SZT2: variants seen among roughly 807,000 people sequenced by gnomAD.
The protein encoded by SZT2 is SZT2 subunit of KICSTOR complex.
SZT2 carries 216 observed loss-of-function variants against 404.2 expected under a neutral mutation model. The ratio of observed to expected loss-of-function variants is 0.53; its 90% CI spans 0.48 to 0.60. SZT2 has a LOEUF of 0.60. Ranked by LOEUF, SZT2 falls within the 20% of genes least tolerant of loss-of-function variation. The pLI, the probability that SZT2 is intolerant of heterozygous loss-of-function variation, is 0.00. For synonymous variants in SZT2, 1,693 were observed against 1,749.9 expected, an observed-to-expected ratio of 0.97 and a Z score of 0.81; for missense variants, 3,857 against 4,459.2, an observed-to-expected ratio of 0.86 and a Z score of 3.85.
chr1:43,424,658 C>G lies in SZT2; in HGVS notation c.2472-126C>G. ...TACCCTGAGGGACCGCCAGTCTAAGCAGGGCCAGCAGCAGACTTGGCTCCT... is the reference window on the plus strand; with the variant it reads ...TACCCTGAGGGACCGCCAGTCTAAGGAGGGCCAGCAGCAGACTTGGCTCCT... On this transcript the variant is annotated intron_variant, in intron 16 of 71. Coordinates refer to ENST00000634258, the MANE Select transcript of SZT2 (RefSeq NM_001365999.1). This position sits in a 1 kb window ranked among gnomAD's most constrained non-coding sequence, Gnocchi z 4.1. 1 of 910,018 alleles carries G rather than the reference C, an allele frequency of 1.1e-6. No individual in the cohort carries two copies. The highest frequency in any genetic ancestry group is 1.7e-6 in the Non-Finnish European group (1 of 586,770). 56.4% of individuals were successfully genotyped at this position (910,018 alleles called of 1,614,324 possible). A position where few individuals can be genotyped will look rare whatever the true frequency, so the allele number is the denominator to read the frequency against.
Position 43,427,766 on chromosome 1 carries a change from G to A in SZT2, c.3803+32G>A, listed in dbSNP as rs765774371. The A allele has an allele frequency of 1.2e-5, 20 of 1,605,074 alleles. 1 individual carries two copies. Among genetic ancestry groups the A allele is most frequent in the Middle Eastern group, 2.1e-4 (1 of 4,784 alleles). ...GCCTTCAGTGTTGACCTAAGTCCTC[G>A]CCGGGCCATGGCTCCCAGCCAAGAA... On this transcript the variant is annotated intron_variant, in intron 26 of 71. Transcript: ENST00000634258.
chr1:43,439,660 G>A lies in SZT2; in HGVS notation c.6933G>A (p.Leu2311=). ...ATGAAGGAGGGGCCCCCTTGTCACT[G>A]GCGTTGTGGCCCCCCTCCTCTCCGG... ...FVDEGGAPLS[L]ALWPPSSPGP... Residue 2311 remains leucine (L), a synonymous_variant, in exon 50 of 72, where the codon CTG becomes CTA. Coordinates refer to ENST00000634258, the MANE Select transcript of SZT2 (RefSeq NM_001365999.1). The surrounding 1 kb of genome is among the most constrained non-coding windows in gnomAD (Gnocchi z 4.2). The A allele has an allele frequency of 1.9e-6, 3 of 1,613,562 alleles. No individual in the cohort carries two copies. The highest frequency in any genetic ancestry group is 2.2e-5 in the East Asian group (1 of 44,872).
At position 43,438,782 on chromosome 1, in the gene SZT2, G is replaced by C. The variant is rs746050802; in HGVS notation, c.6592G>C (p.Val2198Leu). The C allele has an allele frequency of 2.1e-5, 34 of 1,614,048 alleles. No homozygotes were observed. Among genetic ancestry groups the C allele is most frequent in the Non-Finnish European group, 2.7e-5 (32 of 1,179,948 alleles). ...GCTGGACGTCATCACAGTTATGCTT[G>C]TTCGGAACTGCAAGCTGACACCAGC... ...ATLDVITVML[V>L]RNCKLTPADV... is the part of the protein sequence containing the mutation. The change falls in exon 47 of 72, where the codon GTT becomes CTT. Residue 2198 changes from valine to leucine, a missense_variant. Val to Leu is a conservative substitution (Grantham distance 32). Around this residue, in one of 7 missense-constraint regions of SZT2, gnomAD observed 261 missense variants for 372.9 expected, o/e 0.70. Transcript: ENST00000634258.
intron 1 of SZT2, among the ~76,000 whole-genome samples, chr1:43,399,815 T>C (rs1327466982): frequency 6.6e-6 from 1 of 152,110 alleles, no homozygotes; most frequent in East Asian, 1.9e-4. Context: ...GTGGAATTCC[T>C]TTAGTAGCTT....
Position 43,432,519 on chromosome 1 carries a change from C to G in SZT2, c.5445C>G (p.Thr1815=). Residue 1815 remains threonine, a splice_region_variant and synonymous_variant, in exon 38 of 72, where the codon ACC becomes ACG. Coordinates refer to ENST00000634258, the MANE Select transcript of SZT2 (RefSeq NM_001365999.1). ...EDRAEGIEGE[T]LTASPQAPGS... ...AGTCCTGACTTCCTATTCCTCAGAC[C>G]CTGACAGCCAGCCCCCAAGCACCTG... 6.2e-7 allele frequency: 1 copy of G among 1,604,554 alleles called. No homozygotes were observed.
intron 30 of SZT2, 96 bp downstream of exon 30, chr1:43,430,199 CTTGT>C: frequency 6.4e-7 from 1 of 1,569,578 alleles, no homozygotes; most frequent in South Asian, 1.1e-5. Flanking sequence ...GGATGTGGCT[CTTGT>C]CTTGCCTTAG....
In SZT2 at chr1:43,433,106, C is replaced by CA; in HGVS notation, c.5721dup (p.Gly1908ArgfsTer9). 6.2e-7 allele frequency: 1 copy of CA among 1,614,202 alleles called. No homozygotes were observed. The highest frequency in any genetic ancestry group is 1.1e-5 in the South Asian group (1 of 91,088). On this transcript the variant is annotated frameshift_variant, in exon 40 of 72. Transcript: ENST00000634258. LOFTEE classifies it high-confidence loss of function. ...CCAGCACCTCCACAGCCTTCACTCT[C>CA]AGGCCTCCCTGGGCCCTGCCTGCCT...
At chr1:43,413,256 G>A (rs1651291945) in intron 4 of SZT2, among the ~76,000 whole-genome samples, 2 of 152,184 alleles carry the variant, frequency 1.3e-5, no homozygotes, top group African/African-American at 4.8e-5. Flanking sequence ...GATGGCAGAT[G>A]CCTGTAATCC....
chr1:43,438,123 TTCCTGCTGTGC>T, intron 46 of SZT2: 5 of 521,936 alleles, frequency 9.6e-6, no homozygotes, highest in Non-Finnish European at 1.7e-5. Context: ...CCTCCTCTAG[TTCCTGCTGTGC>T]TCGGGTCTTT....
chr1:43,429,968 A>C, intron 29 of SZT2, 43 bp from the exon 30 acceptor site: 1 of 1,612,852 alleles, frequency 6.2e-7, no homozygotes, highest in South Asian at 1.1e-5. Context: ...TATCCTGTTG[A>C]GGGGTGACTG....
At chr1:43,404,715 G>A (rs746223184) in intron 4 of SZT2, 165 bp downstream of exon 4, 66 of 661,050 alleles carry the variant, frequency 1.0e-4, no homozygotes, top group Admixed American at 1.6e-4. Flanking sequence ...TCCTTGAGAA[G>A]AACCAGTTCC....
chr1:43,442,569 G>A lies in SZT2; in HGVS notation c.8102G>A (p.Gly2701Asp), dbSNP rs1053637981. 3 of 1,613,468 alleles carry A rather than the reference G, an allele frequency of 1.9e-6. No homozygotes were observed. Among genetic ancestry groups the A allele is most frequent in the African/African-American group, 1.3e-5 (1 of 74,910 alleles). ...TTCTGCCTACTCAGCCAGAAGCTTG[G>A]CCTCTTCCATCATTATGGCCAGTTG... ...LIFCLLSQKL[G>D]LFHHYGQLDF... is the part of the protein sequence containing the mutation. Residue 2701 changes from glycine to aspartate, a missense_variant, in exon 58 of 72, where the codon GGC becomes GAC. Transcript: ENST00000634258. The surrounding 1 kb of genome is among the most constrained non-coding windows in gnomAD (Gnocchi z 4.5).
At chr1:43,434,638 C>T (rs1654276568) in intron 41 of SZT2, among the ~76,000 whole-genome samples, 153 bp downstream of exon 41, 1 of 152,150 alleles carries the variant, frequency 6.6e-6, no homozygotes, top group South Asian at 2.1e-4. Flanking sequence ...GTTTCTCCCC[C>T]AGCTCCCTAC....
chr1:43,420,499 A>G lies in SZT2; in HGVS notation c.1261+176A>G, dbSNP rs1652225183. On this transcript the variant is annotated intron_variant, in intron 9 of 71. Coordinates refer to ENST00000634258, the MANE Select transcript of SZT2 (RefSeq NM_001365999.1). This position sits in a 1 kb window ranked among gnomAD's most constrained non-coding sequence, Gnocchi z 5.1. ...TCTTAGCATGGAGCTTCCCAATTCTATCTCCTTTTGCCCAAGGTGAACCAG... is the reference window on the plus strand; with the variant it reads ...TCTTAGCATGGAGCTTCCCAATTCTGTCTCCTTTTGCCCAAGGTGAACCAG... 6.6e-6 allele frequency among the ~76,000 whole-genome samples: 1 copy of G among 152,186 alleles called. No homozygotes were observed.
At chr1:43,414,159 G>C (rs915937056) in intron 4 of SZT2, among the ~76,000 whole-genome samples, 1 of 152,048 alleles carries the variant, frequency 6.6e-6, no homozygotes, top group Non-Finnish European at 1.5e-5. Flanking sequence ...GCCCATGCCT[G>C]TAATCCCAGC....
Position 43,448,036 on chromosome 1 carries a change from T to C in SZT2, c.9564-43T>C. The C allele has an allele frequency of 1.9e-6, 3 of 1,609,192 alleles. No homozygotes were observed. Among genetic ancestry groups the C allele is most frequent in the Non-Finnish European group, 8.5e-7 (1 of 1,176,622 alleles). Reference sequence around the variant, plus strand: ...CCTGCCCCACCCTGCCCTGTGTGTCTCTTGCTACAACCACCACTCTCCTGC... The same window carrying C: ...CCTGCCCCACCCTGCCCTGTGTGTCCCTTGCTACAACCACCACTCTCCTGC... On this transcript the variant is annotated intron_variant, in intron 68 of 71. Transcript: ENST00000634258. The surrounding 1 kb of genome is among the most constrained non-coding windows in gnomAD (Gnocchi z 4.2).
At chr1:43,397,673 G>T (rs750259552) in intron 1 of SZT2, among the ~76,000 whole-genome samples, 1 of 151,810 alleles carries the variant, frequency 6.6e-6, no homozygotes. Context: ...GACTACAGAT[G>T]TGCTCCACTA....
At chr1:43,422,259 T>G (rs1652453478) in intron 12 of SZT2, 34 bp downstream of exon 12, 1 of 1,551,624 alleles carries the variant, frequency 6.4e-7, no homozygotes, top group African/African-American at 1.3e-5. Context: ...ATAGTTGGGG[T>G]GGAGTATCGG....
intron 1 of SZT2, 88 bp downstream of exon 1, chr1:43,390,083 T>TG: frequency 1.5e-6 from 2 of 1,334,676 alleles, no homozygotes; most frequent in Non-Finnish European, 1.9e-6. Context: ...CCTCTAGGTC[T>TG]GGGGGTGGCC....
Sources: gnomAD v4.1 joint callset for allele counts (sites outside exome capture counted in the v4.1 genomes callset) on GRCh38, gnomAD v4.1.1 for gene constraint, gnomAD v4.1.1 regional missense constraint, Gnocchi (gnomAD v3.1) non-coding constraint, MANE v1.5 for transcripts, NCBI Gene and HGNC (gene_info 2026-07-23, HGNC 2026-07-21) for gene names.